Variants in TASP1 observed in about 807,000 individuals in gnomAD.
TASP1 encodes the protein threonine aspartase 1.
Under a neutral mutation model 56.6 loss-of-function variants are expected in TASP1, and 16 were observed. The ratio of observed to expected loss-of-function variants is 0.28; its 90% CI spans 0.19 to 0.43. TASP1 has a LOEUF of 0.43. TASP1 is among the 20% of genes least tolerant of loss of function. TASP1 has a pLI of 1.00. For synonymous variants in TASP1, 179 were observed against 184.2 expected (o/e 0.97, Z 0.23); for missense variants, 393 against 511.6 (o/e 0.77, Z 2.24).
intron 10 of TASP1, among the ~76,000 whole-genome samples, chr20:13,521,995 A>C (rs182798505): frequency 2.6e-5 from 4 of 152,284 alleles, no homozygotes; most frequent in African/African-American, 9.6e-5. Context: ...TGATGAGGTG[A>C]GAGTGGGGGC....
At chr20:13,504,842 A>G (rs1324650876) in intron 10 of TASP1, among the ~76,000 whole-genome samples, 1 of 152,160 alleles carries the variant, frequency 6.6e-6, no homozygotes, top group Non-Finnish European at 1.5e-5. Context: ...GCAAAAGAGC[A>G]TGACATTACA....
chr20:13,548,009 A>C (rs900553718), intron 8 of TASP1, among the ~76,000 whole-genome samples: 2 of 152,108 alleles, frequency 1.3e-5, no homozygotes, highest in African/African-American at 2.4e-5. Flanking sequence ...AAGGAAGGAG[A>C]CAGGCAACAT....
chr20:13,551,029 G>C (rs1281967539), intron 8 of TASP1, among the ~76,000 whole-genome samples: 1 of 152,082 alleles, frequency 6.6e-6, no homozygotes, highest in Non-Finnish European at 1.5e-5. Flanking sequence ...TACTTCAAAA[G>C]AATAGAATAT....
At chr20:13,560,708 G>A (rs1333039553) in intron 7 of TASP1, among the ~76,000 whole-genome samples, 2 of 152,144 alleles carry the variant, frequency 1.3e-5, no homozygotes, top group African/African-American at 4.8e-5. Context: ...GAAACTTTTG[G>A]TCTCATGGGG....
chr20:13,201,112 A>G, the TASP1 span, among the ~76,000 whole-genome samples: 1 of 152,204 alleles, frequency 6.6e-6, no homozygotes, highest in African/African-American at 2.4e-5. Flanking sequence ...GATACTGCAA[A>G]GTGGGATTAG....
At chr20:13,321,067 T>C in the TASP1 span, among the ~76,000 whole-genome samples, 1 of 151,502 alleles carries the variant, frequency 6.6e-6, no homozygotes, top group African/African-American at 2.4e-5. Flanking sequence ...GGCATGGTGG[T>C]ACGTGCCTGT....
At chr20:13,510,067 C>T (rs1403573610) in intron 10 of TASP1, among the ~76,000 whole-genome samples, 1 of 152,024 alleles carries the variant, frequency 6.6e-6, no homozygotes, top group South Asian at 2.1e-4. Flanking sequence ...TACGTGTACC[C>T]CTGAACCTAA....
the TASP1 span, among the ~76,000 whole-genome samples, chr20:13,364,369 G>A: frequency 6.6e-6 from 1 of 152,206 alleles, no homozygotes; most frequent in African/African-American, 2.4e-5. Context: ...CATCTCAACT[G>A]TCCTGAGCTG....
chr20:13,577,120 G>T (rs1022729531), intron 6 of TASP1, among the ~76,000 whole-genome samples: 3 of 152,138 alleles, frequency 2.0e-5, no homozygotes, highest in African/African-American at 7.2e-5. Flanking sequence ...GCAGAGATGG[G>T]GGTCACGGTG....
At chr20:13,299,126 C>G in the TASP1 span, 2 of 1,613,094 alleles carry the variant, frequency 1.2e-6, no homozygotes, top group Non-Finnish European at 1.7e-6. This position sits in a 1 kb window ranked among gnomAD's most constrained non-coding sequence, Gnocchi z 5.8. Context: ...CCAGCGGGCC[C>G]AAGGAGAAGC....
chr20:13,618,873 C>CTT (rs113144299), intron 4 of TASP1, among the ~76,000 whole-genome samples: 1 of 145,580 alleles, frequency 6.9e-6, no homozygotes. Context: ...TATCACTATT[C>CTT]TTTTTTTTTT....
At chr20:13,612,419 A>C (rs761463975) in intron 4 of TASP1, among the ~76,000 whole-genome samples, 1 of 152,036 alleles carries the variant, frequency 6.6e-6, no homozygotes, top group Admixed American at 6.6e-5. Context: ...CTTCATCTAC[A>C]ACTTTACCCA....
the TASP1 span, among the ~76,000 whole-genome samples, chr20:13,202,043 G>A: frequency 1.3e-5 from 2 of 152,058 alleles, no homozygotes; most frequent in African/African-American, 4.8e-5. Context: ...ATGAGCCACC[G>A]CGCCTGGCAG....
chr20:13,264,046 T>TCTAACTAGG, the TASP1 span, among the ~76,000 whole-genome samples: 4 of 152,126 alleles, frequency 2.6e-5, no homozygotes, highest in African/African-American at 9.7e-5. Context: ...TAAAATAAAA[T>TCTAACTAGG]CTAACTAGGC....
At chr20:13,499,290 T>C (rs2043854429) in intron 10 of TASP1, among the ~76,000 whole-genome samples, 1 of 151,734 alleles carries the variant, frequency 6.6e-6, no homozygotes, top group African/African-American at 2.4e-5. Context: ...ATGAAAACAA[T>C]AGACACCAGG....
At chr20:13,362,199 A>G in the TASP1 span, among the ~76,000 whole-genome samples, 4 of 150,236 alleles carry the variant, frequency 2.7e-5, no homozygotes, top group East Asian at 7.8e-4. Flanking sequence ...CTTCAACACT[A>G]TTTTGTTTTA....
At chr20:13,418,250 G>C (rs1270014369) in intron 12 of TASP1, among the ~76,000 whole-genome samples, 2 of 152,122 alleles carry the variant, frequency 1.3e-5, no homozygotes, top group Non-Finnish European at 2.9e-5. Flanking sequence ...AAAAGAACCA[G>C]GATTCTTTGG....
chr20:13,525,472 T>C (rs961852119), intron 10 of TASP1, among the ~76,000 whole-genome samples: 2 of 152,124 alleles, frequency 1.3e-5, no homozygotes, highest in African/African-American at 4.8e-5. Flanking sequence ...CACCCAGTGA[T>C]GAGAACAAGA....
At chr20:13,350,979 AC>A in the TASP1 span, among the ~76,000 whole-genome samples, 12 of 150,400 alleles carry the variant, frequency 8.0e-5, no homozygotes, top group East Asian at 3.9e-4. Context: ...AAAAAAAAAA[AC>A]AAAACCTAAT....
Sources: gnomAD v4.1 joint callset for allele counts (sites outside exome capture counted in the v4.1 genomes callset) on GRCh38, gnomAD v4.1.1 for gene constraint, Gnocchi (gnomAD v3.1) non-coding constraint, MANE v1.5 for transcripts, NCBI Gene and HGNC (gene_info 2026-07-23, HGNC 2026-07-21) for gene names.